Variants in SLC30A9 observed in about 807,000 individuals in gnomAD.
SLC30A9 encodes the protein solute carrier family 30 member 9.
Under a neutral mutation model 87.5 loss-of-function variants are expected in SLC30A9, and 58 were observed. The ratio of observed to expected loss-of-function variants is 0.66; its 90% CI spans 0.54 to 0.82. The LOEUF (loss-of-function observed/expected upper bound fraction) is 0.82, where lower values mean the gene tolerates loss of function less well. Among genes scored for constraint, SLC30A9 ranks in the 40% least tolerant of loss-of-function variants. SLC30A9 has a pLI of 0.00. For synonymous variants in SLC30A9, 234 were observed against 233.0 expected (o/e 1.00, Z -0.04); for missense variants, 557 against 679.1 (o/e 0.82, Z 2.00).
At chr4:42,081,287 C>G (rs1718732772) in intron 17 of SLC30A9, among the ~76,000 whole-genome samples, 1 of 152,004 alleles carries the variant, frequency 6.6e-6, no homozygotes, top group Non-Finnish European at 1.5e-5. Flanking sequence ...TCATGAAAGA[C>G]TTTTTTAAAT....
intron 4 of SLC30A9, among the ~76,000 whole-genome samples, chr4:42,021,501 G>T (rs1227675440): frequency 6.6e-6 from 1 of 152,132 alleles, no homozygotes; most frequent in Non-Finnish European, 1.5e-5. Context: ...TCCATAGGAA[G>T]ATCCATGATT....
chr4:41,998,078 A>G (rs540764336), intron 1 of SLC30A9, among the ~76,000 whole-genome samples: 2 of 152,266 alleles, frequency 1.3e-5, no homozygotes, highest in East Asian at 1.9e-4. Context: ...TTCGTAGCCT[A>G]AAAATGATGG....
chr4:42,054,536 G>A (rs1263180020), intron 9 of SLC30A9, among the ~76,000 whole-genome samples: 1 of 151,136 alleles, frequency 6.6e-6, no homozygotes, highest in Non-Finnish European at 1.5e-5. Context: ...TGTCACCCAG[G>A]CTGGAGTGCA....
intron 16 of SLC30A9, among the ~76,000 whole-genome samples, chr4:42,076,685 C>T (rs879793224): frequency 2.6e-5 from 4 of 151,830 alleles, no homozygotes; most frequent in South Asian, 2.1e-4. Flanking sequence ...ATGCCATGGC[C>T]GGGCGCGGTG....
At chr4:42,048,815 G>A (rs1350090931) in intron 8 of SLC30A9, among the ~76,000 whole-genome samples, 2 of 152,228 alleles carry the variant, frequency 1.3e-5, no homozygotes, top group African/African-American at 4.8e-5. Flanking sequence ...TTTCTCACCA[G>A]TTTTCAAAAT....
chr4:42,039,539 T>G (rs1190612916), intron 8 of SLC30A9, among the ~76,000 whole-genome samples: 2 of 151,520 alleles, frequency 1.3e-5, no homozygotes, highest in Admixed American at 1.3e-4. Context: ...CTCAGCTCAC[T>G]GCAATCTCTG....
At chr4:42,051,442 G>A (rs1175798377) in intron 9 of SLC30A9, among the ~76,000 whole-genome samples, 3 of 152,094 alleles carry the variant, frequency 2.0e-5, no homozygotes, top group South Asian at 2.1e-4. Flanking sequence ...AAAATCAGTC[G>A]GAAGCAGACT....
Position 42,063,066 on chromosome 4 carries a change from G to C in SLC30A9, c.977G>C (p.Trp326Ser). ...GIFMMGAGLS[W>S]YHGVMGLLHP... ...TTCATGATGGGTGCAGGACTATCTTGGTACCATGGAGTCATGGGATTGCTT... is the reference window on the plus strand; with the variant it reads ...TTCATGATGGGTGCAGGACTATCTTCGTACCATGGAGTCATGGGATTGCTT... Residue 326 changes from tryptophan to serine, a missense_variant, in exon 11 of 18, where the codon TGG (tryptophan) becomes TCG (serine). Trp to Ser is a radical substitution (Grantham distance 177). Coordinates refer to ENST00000264451, the MANE Select transcript of SLC30A9 (RefSeq NM_006345.4). 6.2e-7 allele frequency: 1 copy of C among 1,613,344 alleles called. No individual in the cohort carries two copies. The highest frequency in any genetic ancestry group is 8.5e-7 in the Non-Finnish European group (1 of 1,179,408).
intron 8 of SLC30A9, among the ~76,000 whole-genome samples, chr4:42,045,065 T>G (rs367985140): frequency 1.3e-5 from 2 of 152,136 alleles, no homozygotes; most frequent in African/African-American, 4.8e-5. Flanking sequence ...TAAAGCAGTG[T>G]TTAGAGGGAA....
intron 6 of SLC30A9, among the ~76,000 whole-genome samples, chr4:42,027,294 T>A (rs552424807): frequency 6.6e-6 from 1 of 152,372 alleles, no homozygotes; most frequent in South Asian, 2.1e-4. Flanking sequence ...CCATGATCTT[T>A]TATTTACATA....
intron 3 of SLC30A9, among the ~76,000 whole-genome samples, chr4:42,018,985 CA>C (rs33970836): frequency 0.65 from 96,940 of 149,556 alleles, 35,378 homozygotes; most frequent in East Asian, 0.96. Flanking sequence ...GAAACTCACG[CA>C]AAAAAAAAAT....
At chr4:42,059,887 A>AT (rs1469957683) in intron 9 of SLC30A9, among the ~76,000 whole-genome samples, 4 of 151,878 alleles carry the variant, frequency 2.6e-5, no homozygotes, top group African/African-American at 4.8e-5. Context: ...CTCTAACCCT[A>AT]TTTTTTTAAC....
intron 2 of SLC30A9, among the ~76,000 whole-genome samples, chr4:42,004,658 C>CTT (rs781063684): frequency 3.2e-5 from 2 of 63,016 alleles, no homozygotes; most frequent in Non-Finnish European, 3.5e-5. Flanking sequence ...TTTTTTTTTT[C>CTT]TTTTTCTTTT....
At chr4:42,063,530 TC>T (rs1344316569) in intron 11 of SLC30A9, among the ~76,000 whole-genome samples, 1 of 152,202 alleles carries the variant, frequency 6.6e-6, no homozygotes, top group Non-Finnish European at 1.5e-5. Flanking sequence ...GCTTCTCTTT[TC>T]CCGCATCCTG....
In SLC30A9 at chr4:42,028,563, G is replaced by A. The variant is rs116789678; in HGVS notation, c.610+5179G>A. On this transcript the variant is annotated intron_variant, in intron 6 of 17. Transcript: ENST00000264451. ...TTAGTTGGACAAATTTATAAAGTTT[G>A]TGAAAACATAAGATATTTAAAGCCT... Among the ~76,000 whole-genome samples, 1,370 of 152,316 alleles carry A rather than the reference G, an allele frequency of 9.0e-3. 21 individuals carry two copies. The highest frequency in any genetic ancestry group is 0.032 in the African/African-American group (1,317 of 41,570).
intron 12 of SLC30A9, 68 bp downstream of exon 12, chr4:42,065,417 T>A (rs1577718007): frequency 1.1e-6 from 1 of 887,690 alleles, no homozygotes; most frequent in East Asian, 2.4e-5. Flanking sequence ...TCCATTATTA[T>A]AGTTTGCTAA....
intron 8 of SLC30A9, among the ~76,000 whole-genome samples, chr4:42,042,574 G>A (rs1447582243): frequency 6.6e-6 from 1 of 152,200 alleles, no homozygotes; most frequent in Non-Finnish European, 1.5e-5. Context: ...AGCAGTCCCG[G>A]TCAGGGGCTT....
At chr4:42,007,976 G>A (rs1715286651) in intron 2 of SLC30A9, among the ~76,000 whole-genome samples, 1 of 152,052 alleles carries the variant, frequency 6.6e-6, no homozygotes, top group Non-Finnish European at 1.5e-5. Flanking sequence ...GTTACCCATA[G>A]AACAAAGCCA....
intron 6 of SLC30A9, among the ~76,000 whole-genome samples, chr4:42,027,571 A>C (rs1310067317): frequency 6.6e-6 from 1 of 151,966 alleles, no homozygotes; most frequent in African/African-American, 2.4e-5. Flanking sequence ...TTTTTATTGA[A>C]TTAGATGGCA....
Sources: allele counts gnomAD v4.1 joint callset (sites outside exome capture counted in the v4.1 genomes callset), GRCh38; gene constraint gnomAD v4.1.1; transcripts MANE v1.5; gene names NCBI Gene and HGNC (gene_info 2026-07-23, HGNC 2026-07-21).